The following NOL10 variants were observed in gnomAD, a reference collection of about 807,000 sequenced individuals.
The protein encoded by NOL10 is nucleolar protein 10, also known as H_NH0074G24.1.
A neutral mutation model predicts 103.5 loss-of-function variants in NOL10; 58 were observed. The observed-to-expected ratio is 0.56, with a 90% confidence interval of 0.45 to 0.70. NOL10 has a LOEUF of 0.70. Among genes scored for constraint, NOL10 ranks in the 30% least tolerant of loss-of-function variants. NOL10 has a pLI of 0.00. For synonymous variants in NOL10, 287 were observed against 282.5 expected, an observed-to-expected ratio of 1.02 and a Z score of -0.16; for missense variants, 763 against 807.3, an observed-to-expected ratio of 0.95 and a Z score of 0.67.
intron 13 of NOL10, among the ~76,000 whole-genome samples, chr2:10,634,711 G>C (rs1054600359): frequency 1.3e-5 from 2 of 152,178 alleles, no homozygotes; most frequent in African/African-American, 4.8e-5. Flanking sequence ...CAGAGGTCAG[G>C]GGAGAGAGGC....
chr2:10,573,655 CAAAAAA>C (rs561312921), intron 20 of NOL10, among the ~76,000 whole-genome samples: 1 of 124,814 alleles, frequency 8.0e-6, no homozygotes, highest in Non-Finnish European at 1.7e-5. Flanking sequence ...TTTGTAATGT[CAAAAAA>C]AAAAAAAAAA....
intron 1 of NOL10, among the ~76,000 whole-genome samples, chr2:10,689,505 G>A (rs1000225402): frequency 6.6e-6 from 1 of 152,220 alleles, no homozygotes; most frequent in African/African-American, 2.4e-5. Flanking sequence ...AACACCCAAA[G>A]AGGCCCAAAT....
At chr2:10,600,542 G>A (rs1250662706) in intron 17 of NOL10, among the ~76,000 whole-genome samples, 1 of 152,136 alleles carries the variant, frequency 6.6e-6, no homozygotes, top group Non-Finnish European at 1.5e-5. Context: ...TTATTTTAAA[G>A]AATCAGGATA....
chr2:10,689,438 A>G (rs1682457830), intron 1 of NOL10, among the ~76,000 whole-genome samples: 1 of 152,124 alleles, frequency 6.6e-6, no homozygotes, highest in Non-Finnish European at 1.5e-5. Flanking sequence ...CATATGGGGG[A>G]GAGATGTGTC....
At chr2:10,625,892 G>C (rs1677430302) in intron 13 of NOL10, among the ~76,000 whole-genome samples, 2 of 152,144 alleles carry the variant, frequency 1.3e-5, no homozygotes, top group Admixed American at 1.3e-4. Context: ...AAATGTGTCA[G>C]GTCAGGTGTG....
At chr2:10,668,613 C>A in intron 7 of NOL10, 45 bp downstream of exon 7, 1 of 1,032,558 alleles carries the variant, frequency 9.7e-7, no homozygotes, top group Non-Finnish European at 1.4e-6. Flanking sequence ...TCTGGCTCCA[C>A]CTCCTGGTCA....
intron 13 of NOL10, among the ~76,000 whole-genome samples, chr2:10,627,606 C>T (rs7579314): frequency 0.21 from 32,528 of 151,602 alleles, 4,560 homozygotes; most frequent in East Asian, 0.44. Flanking sequence ...ACCCGGGAGG[C>T]GGAGGTTGCA....
At chr2:10,624,634 G>A (rs140693849) in intron 13 of NOL10, among the ~76,000 whole-genome samples, 144 of 151,404 alleles carry the variant, frequency 9.5e-4, no homozygotes, top group African/African-American at 3.4e-3. Flanking sequence ...AGCCATCATC[G>A]AAAATAATAA....
chr2:10,574,589 T>G (rs6754178), intron 20 of NOL10, among the ~76,000 whole-genome samples: 36,948 of 150,286 alleles, frequency 0.25, 6,340 homozygotes, highest in African/African-American at 0.45. Context: ...GGAGCGTGCA[T>G]TGAGCAGAGA....
At chr2:10,643,045 A>C (rs1678822128) in intron 13 of NOL10, among the ~76,000 whole-genome samples, 1 of 152,214 alleles carries the variant, frequency 6.6e-6, no homozygotes. Context: ...AGTGAATACA[A>C]GGAAAGATGG....
chr2:10,638,653 G>A (rs1227335561), intron 13 of NOL10, among the ~76,000 whole-genome samples: 2 of 150,744 alleles, frequency 1.3e-5, no homozygotes, highest in Non-Finnish European at 3.0e-5. Flanking sequence ...AATGACCCCC[G>A]GCTGATTTTT....
chr2:10,641,358 T>TA (rs57839701), intron 13 of NOL10, among the ~76,000 whole-genome samples: 82 of 147,846 alleles, frequency 5.5e-4, no homozygotes, highest in African/African-American at 8.2e-4. Context: ...CATTAAAGCT[T>TA]AAAAAAAAAA....
chr2:10,689,945 G>C lies in NOL10; in HGVS notation c.-84C>G, dbSNP rs867113444. On this transcript the variant is annotated 5_prime_UTR_variant, in exon 1 of 21. Coordinates refer to ENST00000381685, the MANE Select transcript of NOL10 (RefSeq NM_024894.4). Reference sequence around the variant, plus strand: ...GTAATCCCGGGACCTCCGAGCCCCTGCTCCGCGGCGTGCGGCCGCTGGCGC... The same window carrying C: ...GTAATCCCGGGACCTCCGAGCCCCTCCTCCGCGGCGTGCGGCCGCTGGCGC... 1 of 1,324,468 alleles carries C rather than the reference G, an allele frequency of 7.6e-7. No individual in the cohort carries two copies. The highest frequency in any genetic ancestry group is 2.2e-5 in the Admixed American group (1 of 45,964). The allele number at this position is 1,324,468 out of a possible 1,614,324, so 82.0% of individuals were successfully genotyped here.
intron 13 of NOL10, among the ~76,000 whole-genome samples, chr2:10,614,028 C>T (rs1449833562): frequency 6.6e-6 from 1 of 151,162 alleles, no homozygotes; most frequent in Non-Finnish European, 1.5e-5. Context: ...GCCACGATCT[C>T]AGCTCACTGC....
chr2:10,655,738 T>C (rs967399245), intron 11 of NOL10, among the ~76,000 whole-genome samples: 1 of 152,178 alleles, frequency 6.6e-6, no homozygotes, highest in African/African-American at 2.4e-5. Context: ...TTTCAAGAAG[T>C]GATGTTGAAA....
chr2:10,664,134 C>CA (rs887049849), intron 8 of NOL10, among the ~76,000 whole-genome samples: 1 of 149,782 alleles, frequency 6.7e-6, no homozygotes, highest in African/African-American at 2.5e-5. Flanking sequence ...AAAAAAAACC[C>CA]AAAAAAACAG....
At chr2:10,631,133 T>C (rs1420862322) in intron 13 of NOL10, among the ~76,000 whole-genome samples, 1 of 152,192 alleles carries the variant, frequency 6.6e-6, no homozygotes, top group Non-Finnish European at 1.5e-5. Context: ...CACTAACAGA[T>C]TCAGGGCCAT....
intron 8 of NOL10, among the ~76,000 whole-genome samples, chr2:10,664,496 C>A (rs1680448558): frequency 6.6e-6 from 1 of 152,186 alleles, no homozygotes; most frequent in Non-Finnish European, 1.5e-5. Context: ...TATACATGTA[C>A]TAGAATTGTG....
chr2:10,647,447 A>C (rs1679159563), intron 12 of NOL10, among the ~76,000 whole-genome samples: 1 of 152,244 alleles, frequency 6.6e-6, no homozygotes, highest in South Asian at 2.1e-4. Context: ...GTGACAACCA[A>C]ATGTGTGATC....
Sources: gnomAD v4.1 joint callset for allele counts (sites outside exome capture counted in the v4.1 genomes callset) on GRCh38, gnomAD v4.1.1 for gene constraint, MANE v1.5 for transcripts, NCBI Gene and HGNC (gene_info 2026-07-23, HGNC 2026-07-21) for gene names.